The following RBPJ variants were observed in gnomAD, a reference collection of about 807,000 sequenced individuals.
RBPJ encodes recombination signal binding protein for immunoglobulin kappa J region, also known as recombining binding protein suppressor of hairless.
In RBPJ, 9 loss-of-function variants were observed where a neutral mutation model predicts 67.8. The observed-to-expected ratio is 0.13, with a 90% confidence interval of 0.08 to 0.23. The LOEUF (loss-of-function observed/expected upper bound fraction) is 0.23. Ranked by LOEUF, RBPJ falls within the 10% of genes least tolerant of loss-of-function variation. The pLI is 1.00. For missense variants in RBPJ, 305 were observed against 595.6 expected (o/e 0.51, Z 5.08); for synonymous variants, 198 against 203.3 (o/e 0.97, Z 0.22).
chr4:26,194,086 G>A (rs188022697), intron 1 of RBPJ, among the ~76,000 whole-genome samples: 63 of 152,270 alleles, frequency 4.1e-4, no homozygotes, highest in African/African-American at 1.5e-3. Flanking sequence ...GCAAAGACAC[G>A]GGTAATAGCA....
At chr4:26,399,771 C>T (rs1400417760) in intron 2 of RBPJ, among the ~76,000 whole-genome samples, 3 of 152,022 alleles carry the variant, frequency 2.0e-5, no homozygotes, top group African/African-American at 4.8e-5. Flanking sequence ...CTGCAACCTC[C>T]GCCTCCTGGG....
At chr4:26,313,139 T>A (rs1391157938) in intron 1 of RBPJ, among the ~76,000 whole-genome samples, 4 of 152,148 alleles carry the variant, frequency 2.6e-5, no homozygotes, top group Non-Finnish European at 5.9e-5. Flanking sequence ...TCCAGGCTGG[T>A]CTTGAACTCC....
the RBPJ span, among the ~76,000 whole-genome samples, chr4:26,131,696 CAG>C: frequency 6.6e-6 from 1 of 152,188 alleles, no homozygotes; most frequent in Non-Finnish European, 1.5e-5. Context: ...AAGAGAAAGA[CAG>C]AGGGAGATTT....
chr4:26,377,435 AT>A (rs1237704679), intron 1 of RBPJ, among the ~76,000 whole-genome samples: 1 of 152,204 alleles, frequency 6.6e-6, no homozygotes, highest in Non-Finnish European at 1.5e-5. Context: ...CCAAAGATTT[AT>A]CTTACTTTTT....
At chr4:26,180,300 G>T (rs188137442) in intron 1 of RBPJ, among the ~76,000 whole-genome samples, 3 of 147,050 alleles carry the variant, frequency 2.0e-5, no homozygotes, top group Admixed American at 6.9e-5. Context: ...AAAACAAACC[G>T]ACACATGTAC....
At chr4:26,261,482 G>A (rs1720534399) in intron 1 of RBPJ, among the ~76,000 whole-genome samples, 1 of 152,162 alleles carries the variant, frequency 6.6e-6, no homozygotes, top group Non-Finnish European at 1.5e-5. Flanking sequence ...TAAGAGAACT[G>A]AGAAAAGTAA....
At chr4:26,238,498 G>A (rs1303933879) in intron 1 of RBPJ, among the ~76,000 whole-genome samples, 8 of 152,144 alleles carry the variant, frequency 5.3e-5, no homozygotes, top group Non-Finnish European at 1.5e-5. Context: ...AACATGCTTG[G>A]CACACTACAA....
At chr4:26,141,456 G>C in the RBPJ span, among the ~76,000 whole-genome samples, 1 of 152,172 alleles carries the variant, frequency 6.6e-6, no homozygotes, top group Non-Finnish European at 1.5e-5. Flanking sequence ...AGCCAGGCCC[G>C]GAACGCCCAG....
upstream of RBPJ, among the ~76,000 whole-genome samples, chr4:26,160,497 T>A (rs1275817482): frequency 2.6e-5 from 4 of 152,234 alleles, no homozygotes; most frequent in Non-Finnish European, 4.4e-5. Flanking sequence ...AGAGCTAGTA[T>A]CTTATTCTAT....
rs1422855357 is a variant in RBPJ, at chr4:26,408,869, G to A, written c.155+2599G>A. Among the ~76,000 whole-genome samples, 3 of 152,324 alleles carry A rather than the reference G, an allele frequency of 2.0e-5. No individual in the cohort carries two copies. The East Asian group carries it at 5.8e-4, about 29-fold the overall frequency. On this transcript the variant is annotated intron_variant, in intron 3 of 10. Coordinates refer to ENST00000355476, the MANE Select transcript of RBPJ (RefSeq NM_015874.6). The stretch of plus-strand genomic sequence containing the variant: ...TGCGTTTGAGTGTTGGTTATCTAGA[G>A]CAGGGATTGAGGAGGAAAAGATCCT...
At chr4:26,319,155 G>A (rs1043932592), upstream of RBPJ, among the ~76,000 whole-genome samples, 25 of 152,038 alleles carry the variant, frequency 1.6e-4, no homozygotes, top group Non-Finnish European at 3.1e-4. Flanking sequence ...TCCCGGAGGC[G>A]GGGGGCGCGG....
Position 26,256,068 on chromosome 4 carries a change from T to C in RBPJ, c.-167+92454T>C, listed in dbSNP as rs146453139. Among the ~76,000 whole-genome samples the C allele has an allele frequency of 4.8e-3, 731 of 152,238 alleles. 7 individuals carry two copies. Among genetic ancestry groups the C allele is most frequent in the African/African-American group, 0.017 (707 of 41,546 alleles). On this transcript the variant is annotated intron_variant, in intron 1 of 4. Coordinates refer to the RBPJ transcript ENST00000512351. Reference sequence around the variant, plus strand: ...TCTCACTTAGCAGCTCTCTCCTGGATTCATGAATAGTTTTAAACCAGTTGG... The same window carrying C: ...TCTCACTTAGCAGCTCTCTCCTGGACTCATGAATAGTTTTAAACCAGTTGG...
At chr4:26,201,364 C>T (rs75140135) in intron 1 of RBPJ, among the ~76,000 whole-genome samples, 12,285 of 152,094 alleles carry the variant, frequency 0.081, 646 homozygotes, top group South Asian at 0.19. Flanking sequence ...TTCATAACTC[C>T]CTCTGTGGTA....
At chr4:26,421,311 T>C (rs748670218) in intron 5 of RBPJ, among the ~76,000 whole-genome samples, 1 of 150,516 alleles carries the variant, frequency 6.6e-6, no homozygotes, top group Non-Finnish European at 1.5e-5. Flanking sequence ...AGACTTTTCT[T>C]TTTTTTTTTG....
At chr4:26,263,944 G>T (rs907073128) in intron 1 of RBPJ, among the ~76,000 whole-genome samples, 1 of 148,214 alleles carries the variant, frequency 6.7e-6, no homozygotes, top group Non-Finnish European at 1.5e-5. Flanking sequence ...GTGCGATCTC[G>T]GCTCACTGCA....
chr4:26,367,791 AAAAT>A (rs746371428), intron 1 of RBPJ: 10 of 152,336 alleles, frequency 6.6e-5, no homozygotes, highest in Non-Finnish European at 1.0e-4. Flanking sequence ...TGAATATTTT[AAAAT>A]AAATAAGGCT....
At chr4:26,315,182 ATATATATATATGTATG>A (rs1358117617), upstream of RBPJ, among the ~76,000 whole-genome samples, 4 of 122,188 alleles carry the variant, frequency 3.3e-5, no homozygotes, top group African/African-American at 1.4e-4. Flanking sequence ...ATATATATAT[ATATATATATATGTATG>A]TATATACTGG....
intron 1 of RBPJ, among the ~76,000 whole-genome samples, chr4:26,215,228 A>AGG (rs1271792041): frequency 0.017 from 239 of 14,176 alleles, 26 homozygotes; most frequent in African/African-American, 0.092. Context: ...AAAAGAGAGA[A>AGG]AAGAGAGAAA....
At chr4:26,140,866 T>TAAATAAATAAAA in the RBPJ span, among the ~76,000 whole-genome samples, 1 of 151,304 alleles carries the variant, frequency 6.6e-6, no homozygotes, top group Non-Finnish European at 1.5e-5. Context: ...AATAAATAAA[T>TAAATAAATAAAA]AAAATATTTG....
Sources: allele counts gnomAD v4.1 joint callset (sites outside exome capture counted in the v4.1 genomes callset), GRCh38; gene constraint gnomAD v4.1.1; transcripts MANE v1.5; gene names NCBI Gene and HGNC (gene_info 2026-07-23, HGNC 2026-07-21).